NAV3: variants seen among roughly 807,000 people sequenced by gnomAD.
NAV3 encodes the protein neuron navigator 3.
Under a neutral mutation model 244.7 loss-of-function variants are expected in NAV3, and 87 were observed. The observed-to-expected ratio is 0.36, with a 90% CI of 0.30 to 0.42. The LOEUF (loss-of-function observed/expected upper bound fraction) is 0.42, where lower values mean the gene tolerates loss of function less well. Ranked by LOEUF, NAV3 falls within the 20% of genes least tolerant of loss-of-function variation. The pLI is 1.00. For synonymous variants in NAV3, 1,126 were observed against 1,042.2 expected (o/e 1.08, Z -1.55); for missense variants, 2,663 against 2,893.3 (o/e 0.92, Z 1.83).
In NAV3 at chr12:77,817,044, A is replaced by G. The variant is rs1872554444; in HGVS notation, c.73-123275A>G. Among the ~76,000 whole-genome samples the G allele has an allele frequency of 2.0e-5, 3 of 152,164 alleles. No individual in the cohort carries two copies. In the South Asian group the frequency reaches 6.2e-4, roughly 32 times the overall value. On this transcript the variant is annotated intron_variant, in intron 2 of 8. Coordinates refer to the NAV3 transcript ENST00000550042. ...TGTCAAACTCTGGTAGTTCTTTTTC[A>G]TTTTGACTTTTTATTCTATTTTCCA...
At chr12:78,174,681 T>A (rs1256474562) in intron 24 of NAV3, among the ~76,000 whole-genome samples, 1 of 151,934 alleles carries the variant, frequency 6.6e-6, no homozygotes, top group Non-Finnish European at 1.5e-5. Flanking sequence ...AAATATGTCC[T>A]CTGTTTAACT....
intron 3 of NAV3, among the ~76,000 whole-genome samples, chr12:77,958,538 T>G (rs1477718349): frequency 1.3e-5 from 2 of 152,170 alleles, no homozygotes; most frequent in Non-Finnish European, 2.9e-5. Context: ...ACAGTCCATT[T>G]GAAGAATTAC....
rs1168641355 is a variant in NAV3, at chr12:77,739,011, C to CAAAAAAAAAAAAAAA, written c.72+166758_72+166772dup. ...TGGGCGACAGAGCGAGACTCCGTCTCAAAAAAAAAAAAAAAAAAAAAAAAA... is the reference window on the plus strand; with the variant it reads ...TGGGCGACAGAGCGAGACTCCGTCTCAAAAAAAAAAAAAAAAAAAAAAAAAAAAAAAAAAAAAAAA... On this transcript the variant is annotated intron_variant, in intron 2 of 8. Transcript: ENST00000550042. Among the ~76,000 whole-genome samples the CAAAAAAAAAAAAAAA allele has an allele frequency of 3.1e-5, 2 of 64,068 alleles. 1 individual carries two copies. The highest frequency in any genetic ancestry group is 1.4e-4 in the African/African-American group (2 of 14,768). The allele number at this position is 64,068 out of a possible 152,430, so 42.0% of individuals were successfully genotyped here.
chr12:77,825,994 T>C (rs1872976417), upstream of NAV3, among the ~76,000 whole-genome samples: 1 of 152,094 alleles, frequency 6.6e-6, no homozygotes, highest in African/African-American at 2.4e-5. Flanking sequence ...CCCCTACTCC[T>C]GAGTAGAATG....
chr12:77,796,876 A>G (rs1288022153), intron 2 of NAV3, among the ~76,000 whole-genome samples: 1 of 152,054 alleles, frequency 6.6e-6, no homozygotes, highest in Non-Finnish European at 1.5e-5. Flanking sequence ...GCTATTGAAC[A>G]CTTAATAGAC....
chr12:77,848,152 A>T (rs75839372), intron 1 of NAV3, among the ~76,000 whole-genome samples: 1 of 152,210 alleles, frequency 6.6e-6, no homozygotes, highest in African/African-American at 2.4e-5. Flanking sequence ...TTCAGAGCAC[A>T]TTCTTTAGCC....
chr12:77,970,264 C>A (rs961462103), intron 5 of NAV3, among the ~76,000 whole-genome samples: 2 of 152,184 alleles, frequency 1.3e-5, no homozygotes, highest in African/African-American at 4.8e-5. Flanking sequence ...TTGAAACCTA[C>A]TAACATTCAG....
intron 2 of NAV3, among the ~76,000 whole-genome samples, chr12:77,794,651 C>T (rs569746104): frequency 5.3e-5 from 8 of 152,296 alleles, no homozygotes; most frequent in East Asian, 1.9e-4. Flanking sequence ...GGCAACCCTG[C>T]ATCCAGCAAA....
At chr12:78,155,478 A>T (rs1349156954) in intron 22 of NAV3, among the ~76,000 whole-genome samples, 1 of 152,114 alleles carries the variant, frequency 6.6e-6, no homozygotes, top group Non-Finnish European at 1.5e-5. Flanking sequence ...TGCAGTGAAC[A>T]TAATGCATGC....
chr12:77,960,584 T>C (rs1215281997), intron 3 of NAV3, among the ~76,000 whole-genome samples: 1 of 148,920 alleles, frequency 6.7e-6, no homozygotes, highest in Non-Finnish European at 1.5e-5. Context: ...ATATTACCTA[T>C]AATATATAAC....
At chr12:77,597,242 C>A (rs773690728) in intron 2 of NAV3, among the ~76,000 whole-genome samples, 1 of 152,030 alleles carries the variant, frequency 6.6e-6, no homozygotes, top group Non-Finnish European at 1.5e-5. Flanking sequence ...GCACCACCAA[C>A]AAGATACCGT....
chr12:77,606,296 A>C lies in NAV3; in HGVS notation c.72+34030A>C, dbSNP rs560639367. ...CACAGTCATTTAATGCTGAATGCGA[A>C]GGAACAAACCATGCTATTAACTGGC... On this transcript the variant is annotated intron_variant, in intron 2 of 8. Transcript: ENST00000550042. 1.2e-4 allele frequency among the ~76,000 whole-genome samples: 18 copies of C among 152,274 alleles called. No individual in the cohort carries two copies. In the South Asian group the frequency reaches 2.7e-3, roughly 23 times the overall value.
chr12:78,105,026 A>G (rs1397731808), intron 12 of NAV3, among the ~76,000 whole-genome samples: 1 of 152,172 alleles, frequency 6.6e-6, no homozygotes, highest in African/African-American at 2.4e-5. Flanking sequence ...TAGAAATGGT[A>G]TCACTAGGTC....
chr12:78,191,308 T>A (rs1457860371), intron 34 of NAV3, among the ~76,000 whole-genome samples: 3 of 152,078 alleles, frequency 2.0e-5, no homozygotes, highest in Non-Finnish European at 4.4e-5. Context: ...TGTGTGTGTG[T>A]GAGAGAGACA....
intron 20 of NAV3, among the ~76,000 whole-genome samples, chr12:78,143,975 A>C (rs1319278625): frequency 2.0e-5 from 3 of 152,136 alleles, no homozygotes; most frequent in Non-Finnish European, 4.4e-5. Context: ...TTTGCTATTT[A>C]TATTGCTGTC....
intron 3 of NAV3, among the ~76,000 whole-genome samples, chr12:77,942,886 T>C (rs1344204528): frequency 6.6e-6 from 1 of 152,232 alleles, no homozygotes; most frequent in East Asian, 1.9e-4. Context: ...AACAGTCCCC[T>C]GAAACCATAA....
chr12:77,704,576 A>C (rs975011426), intron 2 of NAV3, among the ~76,000 whole-genome samples: 7 of 152,078 alleles, frequency 4.6e-5, no homozygotes, highest in African/African-American at 1.7e-4. Flanking sequence ...TTTTCTGGTG[A>C]AAATGTTCCT....
At chr12:77,654,764 A>C (rs1332331050) in intron 2 of NAV3, among the ~76,000 whole-genome samples, 1 of 149,838 alleles carries the variant, frequency 6.7e-6, no homozygotes, top group Non-Finnish European at 1.5e-5. Context: ...CAAAACTTCC[A>C]GAGGAACGAT....
At chr12:77,579,316 A>G (rs1056793423) in intron 2 of NAV3, among the ~76,000 whole-genome samples, 3 of 152,226 alleles carry the variant, frequency 2.0e-5, no homozygotes, top group Non-Finnish European at 4.4e-5. Flanking sequence ...TGAGCAATAC[A>G]TTGAAAAGAA....
Sources: gnomAD v4.1 joint callset for allele counts (sites outside exome capture counted in the v4.1 genomes callset) on GRCh38, gnomAD v4.1.1 for gene constraint, MANE v1.5 for transcripts, NCBI Gene and HGNC (gene_info 2026-07-23, HGNC 2026-07-21) for gene names.